ARFGEF1: variants seen among roughly 807,000 people sequenced by gnomAD.
The protein encoded by ARFGEF1 is brefeldin A-inhibited guanine nucleotide-exchange protein 1.
In ARFGEF1, 42 loss-of-function variants were observed where a neutral mutation model predicts 231.0. That is an observed-to-expected ratio of 0.18 (90% confidence interval 0.14 to 0.24). The LOEUF (loss-of-function observed/expected upper bound fraction) is 0.24, where lower values mean the gene tolerates loss of function less well. ARFGEF1 is among the 10% of genes least tolerant of loss of function. The probability of loss-of-function intolerance (pLI) is 1.00; values close to 1 mark genes in which losing one functional copy is unlikely to be tolerated. For missense variants in ARFGEF1, 1,345 were observed against 2,192.0 expected (o/e 0.61, Z 7.72); for synonymous variants, 710 against 732.3 (o/e 0.97, Z 0.49).
chr8:67,278,935 T>C (rs757424493), intron 7 of ARFGEF1, among the ~76,000 whole-genome samples: 4 of 152,058 alleles, frequency 2.6e-5, no homozygotes, highest in Admixed American at 1.3e-4. Flanking sequence ...TTTGATGTGC[T>C]AAATACCACT....
intron 5 of ARFGEF1, among the ~76,000 whole-genome samples, chr8:67,177,070 C>CAAAAAA (rs36084458): frequency 6.8e-4 from 35 of 51,588 alleles, no homozygotes; most frequent in Non-Finnish European, 1.0e-3. Flanking sequence ...GACTTAGTCT[C>CAAAAAA]AAAAAAAAAA....
chr8:67,189,531 C>CTA (rs1835611052), intron 5 of ARFGEF1, among the ~76,000 whole-genome samples: 1 of 152,120 alleles, frequency 6.6e-6, no homozygotes, highest in South Asian at 2.1e-4. Context: ...AAAGTTATTC[C>CTA]TATTTTTAAA....
At chr8:67,186,311 A>G (rs1834556177) in intron 5 of ARFGEF1, among the ~76,000 whole-genome samples, 1 of 152,058 alleles carries the variant, frequency 6.6e-6, no homozygotes. Context: ...GCTTGGTTTT[A>G]AATATGTATG....
At chr8:67,289,568 A>T (rs1395829416) in intron 6 of ARFGEF1, among the ~76,000 whole-genome samples, 1 of 148,610 alleles carries the variant, frequency 6.7e-6, no homozygotes, top group African/African-American at 2.5e-5. Flanking sequence ...AAAAAAAAAA[A>T]AAAAAAAAGG....
chr8:67,197,955 C>T lies in ARFGEF1; in HGVS notation c.*979G>A, dbSNP rs760997081. On this transcript the variant is annotated 3_prime_UTR_variant, in exon 39 of 39. Transcript: ENST00000262215. ...AGATTTGTTATTTTAATATATTCAA[C>T]GTTAAATTCTGTACATAGAGTAAAA... The T allele has an allele frequency of 3.0e-6, 3 of 985,600 alleles. No individual in the cohort carries two copies. The highest frequency in any genetic ancestry group is 3.6e-6 in the Non-Finnish European group (3 of 829,896). 61.1% of individuals were successfully genotyped at this position (985,600 alleles called of 1,614,324 possible). A position where few individuals can be genotyped will look rare whatever the true frequency, so the allele number is the denominator to read the frequency against.
At chr8:67,173,802 C>T (rs78889023), downstream of ARFGEF1, 1,112 of 152,272 alleles carry the variant, frequency 7.3e-3, 16 homozygotes, top group African/African-American at 0.026. Flanking sequence ...ATTGTGTTAA[C>T]CCAGTGGGTC....
intron 7 of ARFGEF1, among the ~76,000 whole-genome samples, chr8:67,283,499 A>G (rs578239797): frequency 6.6e-6 from 1 of 152,298 alleles, no homozygotes; most frequent in African/African-American, 2.4e-5. Context: ...TGTAATATAT[A>G]TGCAGGCATG....
intron 1 of ARFGEF1, among the ~76,000 whole-genome samples, chr8:67,305,408 G>GT (rs142396399): frequency 0.025 from 3,744 of 152,238 alleles, 64 homozygotes; most frequent in Non-Finnish European, 0.04. Flanking sequence ...GTTTTTGTTT[G>GT]TTTTTGTGAG....
chr8:67,238,968 G>A (rs1839848586), intron 20 of ARFGEF1, 75 bp from the exon 21 acceptor site: 5 of 1,063,098 alleles, frequency 4.7e-6, no homozygotes, highest in Admixed American at 5.3e-5. Context: ...AACAAACTCT[G>A]TTTACTTGTT....
At chr8:67,219,052 C>T (rs1839057816) in intron 30 of ARFGEF1, among the ~76,000 whole-genome samples, 1 of 152,180 alleles carries the variant, frequency 6.6e-6, no homozygotes, top group Non-Finnish European at 1.5e-5. Context: ...CAGCAACCTC[C>T]ACCTCCCGGG....
Position 67,226,178 on chromosome 8 carries a change from C to A in ARFGEF1, c.3922G>T (p.Val1308Leu). 1 of 1,601,934 alleles carries A rather than the reference C, an allele frequency of 6.2e-7. No homozygotes were observed. The highest frequency in any genetic ancestry group is 8.5e-7 in the Non-Finnish European group (1 of 1,174,630). Residue 1308 changes from valine to leucine, a missense_variant, in exon 28 of 39, where the codon GTA (valine) becomes TTA (leucine). Transcript: ENST00000262215. The stretch of plus-strand genomic sequence containing the variant: ...GTCGCTGGAAAGTGTTTTTCAAATA[C>A]AAGGGCTAAAATAGAGAAAAATATA... ...FQTTGHIVTLVFEKHFPATID... is the reference protein window; with the variant it reads ...FQTTGHIVTLLFEKHFPATID...
At chr8:67,253,743 G>A in intron 17 of ARFGEF1, 121 bp from the exon 18 acceptor site, 1 of 528,810 alleles carries the variant, frequency 1.9e-6, no homozygotes, top group Admixed American at 4.1e-5. Context: ...AAACTGGAAA[G>A]TATTCAACAA....
chr8:67,321,677 G>A (rs925770336), intron 1 of ARFGEF1, among the ~76,000 whole-genome samples: 12 of 151,318 alleles, frequency 7.9e-5, no homozygotes, highest in African/African-American at 2.9e-4. Flanking sequence ...AGCCAAGATG[G>A]TCTCGATCTC....
In ARFGEF1 at chr8:67,301,343, G is replaced by C. The variant is rs1806479523; in HGVS notation, c.193C>G (p.Leu65Val). ...TTTGTCTTTGATTTCACTGGTGGAA[G>C]GGTGCTTGATCCAGCTTTTGCTTCT... ...HGEAKAGSSTLPPVKSKTNFI... is the reference protein window; with the variant it reads ...HGEAKAGSSTVPPVKSKTNFI... The change falls in exon 3 of 39, where the codon CTT (leucine) becomes GTT (valine). Residue 65 changes from leucine (L) to valine (V), a missense_variant. Leu to Val is a conservative substitution (Grantham distance 32). Coordinates refer to ENST00000262215, the MANE Select transcript of ARFGEF1 (RefSeq NM_006421.5). 3 of 1,613,988 alleles carry C rather than the reference G, an allele frequency of 1.9e-6. No homozygotes were observed. The South Asian group carries it at 3.3e-5, about 18-fold the overall frequency.
intron 5 of ARFGEF1, chr8:67,190,793 TAGA>T (rs1439816709): frequency 1.4e-6 from 2 of 1,469,506 alleles, no homozygotes; most frequent in Non-Finnish European, 1.9e-6. Flanking sequence ...CTTTTCAACT[TAGA>T]AGAATGAGAG....
At position 67,228,148 on chromosome 8, in the gene ARFGEF1, A is replaced by ATT. The variant is rs202087758; in HGVS notation, c.3422-18_3422-17dup. The ATT allele has an allele frequency of 1.4e-6, 2 of 1,433,846 alleles. No individual in the cohort carries two copies. Among genetic ancestry groups the ATT allele is most frequent in the African/African-American group, 1.4e-5 (1 of 69,774 alleles). The allele number at this position is 1,433,846 out of a possible 1,614,324, so 88.8% of individuals were successfully genotyped here. On this transcript the variant is annotated splice_polypyrimidine_tract_variant and intron_variant, in intron 24 of 38. Transcript: ENST00000262215. ...ACAAAATCCACTGTAATATAAATAC[A>ATT]TTTTTTTTTTAGCTCAACATTAAAG...
intron 29 of ARFGEF1, 37 bp downstream of exon 29, chr8:67,224,866 T>C (rs925111564): frequency 2.8e-6 from 4 of 1,433,188 alleles, no homozygotes; most frequent in South Asian, 1.5e-5. Flanking sequence ...AAAGTCAAAA[T>C]AAATCCAAAA....
chr8:67,174,486 G>C (rs1347825033), downstream of ARFGEF1: 2 of 152,198 alleles, frequency 1.3e-5, no homozygotes, highest in African/African-American at 4.8e-5. Flanking sequence ...TTCTTGGCCA[G>C]GCACAGTGGC....
In ARFGEF1 at chr8:67,291,892, C is replaced by T. The variant is rs1806026329; in HGVS notation, c.871G>A (p.Ala291Thr). The T allele has an allele frequency of 6.2e-7, 1 of 1,613,928 alleles. No individual in the cohort carries two copies. The highest frequency in any genetic ancestry group is 8.5e-7 in the Non-Finnish European group (1 of 1,179,880). The stretch of plus-strand genomic sequence containing the variant: ...TCAGCTTCAGTCTGTTCATTTTCTG[C>T]ACTGGAAATATCAGATCCATTTTCA... ...EPENGSDISSAENEQTEADQA... is the reference protein window; with the variant it reads ...EPENGSDISSTENEQTEADQA... The change falls in exon 6 of 39, where the codon GCA becomes ACA. Residue 291 changes from alanine to threonine, a missense_variant. By Grantham distance (58) the Ala-to-Thr change is moderately conservative. This residue lies in a region of ARFGEF1 where 398 missense variants were observed against 463.2 expected (regional missense o/e 0.86). Transcript: ENST00000262215.
Sources: allele counts gnomAD v4.1 joint callset (sites outside exome capture counted in the v4.1 genomes callset), GRCh38; gene constraint gnomAD v4.1.1; regional missense constraint gnomAD v4.1.1; transcripts MANE v1.5; gene names NCBI Gene and HGNC (gene_info 2026-07-23, HGNC 2026-07-21).